The following MPDZ variants were observed in gnomAD, a reference collection of about 807,000 sequenced individuals.
MPDZ encodes the protein multiple PDZ domain crumbs cell polarity complex component.
Under a neutral mutation model 239.1 loss-of-function variants are expected in MPDZ, and 234 were observed. The ratio of observed to expected loss-of-function variants is 0.98; its 90% CI spans 0.88 to 1.09. The LOEUF (loss-of-function observed/expected upper bound fraction) is 1.09, where lower values mean the gene tolerates loss of function less well. Among genes scored for constraint, MPDZ ranks in the 50% least tolerant of loss-of-function variants. The pLI is 0.00. For missense variants in MPDZ, 3,175 were observed against 2,510.0 expected, an observed-to-expected ratio of 1.26 and a Z score of -5.66; for synonymous variants, 1,048 against 881.3, an observed-to-expected ratio of 1.19 and a Z score of -3.35.
At chr9:13,200,966 G>C (rs1415509864) in intron 12 of MPDZ, among the ~76,000 whole-genome samples, 4 of 151,970 alleles carry the variant, frequency 2.6e-5, no homozygotes, top group Non-Finnish European at 4.4e-5. Flanking sequence ...TTTTACTGTT[G>C]ATTTTCTGTC....
rs151172009 is a variant in MPDZ at position 13,244,500 on chromosome 9, G to C, written c.183+3135C>G. On this transcript the variant is annotated intron_variant, in intron 3 of 46. Transcript: ENST00000319217. ...AACCAGAGCTATTAGAGATTATTCA[G>C]GTTTAATAGCATGCATCCTTTTAGC... Among the ~76,000 whole-genome samples, 1,210 of 152,166 alleles carry C rather than the reference G, an allele frequency of 8.0e-3. 9 individuals are homozygous for C. The highest frequency in any genetic ancestry group is 0.024 in the Middle Eastern group (7 of 294).
In MPDZ at chr9:13,279,539, C is replaced by CG. The variant is rs77520402; in HGVS notation, c.-198dup. 0.98 allele frequency: 145,530 copies of CG among 149,112 alleles called. 71,105 individuals carry two copies. The highest frequency in any genetic ancestry group is 1 in the East Asian group (5,032 of 5,032). The allele number at this position is 149,112 out of a possible 1,614,324, so 9.2% of individuals were successfully genotyped here. On this transcript the variant is annotated 5_prime_UTR_variant, in exon 1 of 47. Transcript: ENST00000319217. ...GAAGTAACGACCCGGCGAGGAGCTT[C>CG]GGATCAAAACGCACAGACACTCACG... is the stretch of plus-strand genomic sequence containing the variant.
intron 26 of MPDZ, among the ~76,000 whole-genome samples, chr9:13,144,372 A>C (rs1948158112): frequency 6.6e-6 from 1 of 152,048 alleles, no homozygotes; most frequent in African/African-American, 2.4e-5. Context: ...TACATATTAA[A>C]GTCAGGATGA....
intron 3 of MPDZ, among the ~76,000 whole-genome samples, chr9:13,243,613 C>A (rs1345296578): frequency 6.6e-6 from 1 of 151,892 alleles, no homozygotes; most frequent in Non-Finnish European, 1.5e-5. Context: ...TCTCATTTCA[C>A]GAAAAAATTT....
intron 35 of MPDZ, 119 bp from the exon 36 acceptor site, chr9:13,123,417 G>A: frequency 1.4e-6 from 1 of 697,472 alleles, no homozygotes. Context: ...ATGACTGTGG[G>A]AAAAGAGACT....
intron 1 of MPDZ, among the ~76,000 whole-genome samples, chr9:13,268,649 G>A (rs1263305655): frequency 1.3e-5 from 2 of 152,178 alleles, no homozygotes; most frequent in Admixed American, 1.3e-4. Context: ...GAATCATCTC[G>A]AAGTATGAGC....
chr9:13,137,875 G>A, intron 29 of MPDZ, 82 bp downstream of exon 29: 6 of 1,382,790 alleles, frequency 4.3e-6, no homozygotes, highest in Admixed American at 2.0e-5. Flanking sequence ...TCACTATAAG[G>A]TATGGGTGAT....
At chr9:13,183,704 T>A in intron 18 of MPDZ, 119 bp from the exon 19 acceptor site, 3 of 947,826 alleles carry the variant, frequency 3.2e-6, no homozygotes, top group Non-Finnish European at 4.8e-6. Context: ...GTATTTTCTA[T>A]ATGCCCTCTT....
chr9:13,246,009 T>A (rs1469134810), intron 3 of MPDZ, among the ~76,000 whole-genome samples: 3 of 151,874 alleles, frequency 2.0e-5, no homozygotes, highest in South Asian at 2.1e-4. Flanking sequence ...TAATCATGTT[T>A]TCACATAACA....
At chr9:13,232,141 G>C (rs564355964) in intron 3 of MPDZ, among the ~76,000 whole-genome samples, 4 of 152,198 alleles carry the variant, frequency 2.6e-5, no homozygotes, top group African/African-American at 9.6e-5. Flanking sequence ...AACAAAAACT[G>C]TAATTATTTG....
intron 5 of MPDZ, 102 bp from the exon 6 acceptor site, chr9:13,222,548 A>G (rs192930280): frequency 4.9e-5 from 45 of 914,172 alleles, no homozygotes; most frequent in Admixed American, 2.3e-4. Context: ...TCCTATTTTT[A>G]ATTCCCACAC....
rs1587525915 is a variant in MPDZ at position 13,175,808 on chromosome 9, A to G, written c.2999T>C (p.Val1000Ala). The G allele has an allele frequency of 6.3e-7, 1 of 1,583,924 alleles. No homozygotes were observed. Reference sequence around the variant, plus strand: ...AGTCCTTTCAAAAGATTCTTTAGATACATTTTGAAGCATGACACACTCAGC... The same window carrying G: ...AGTCCTTTCAAAAGATTCTTTAGATGCATTTTGAAGCATGACACACTCAGC... ...CNAECVMLQN[V>A]SKESFERTIN... Residue 1000 changes from valine to alanine, a missense_variant, in exon 21 of 47, where the codon GTA (valine) becomes GCA (alanine). By Grantham distance (64) the Val-to-Ala change is moderately conservative. Transcript: ENST00000319217.
chr9:13,140,108 C>T lies in MPDZ; in HGVS notation c.3882G>A (p.Leu1294=). 6.2e-7 allele frequency: 1 copy of T among 1,613,412 alleles called. No homozygotes were observed. The highest frequency in any genetic ancestry group is 1.1e-5 in the South Asian group (1 of 91,078). ...QSESEPEKAP[L]CSVPPPPPSA... is the part of the protein sequence containing the mutation. ...AAGGAGGGGGTGGGGGCACACTGCA[C>T]AATGGAGCCTTCTCTGGCTCTGACT... Residue 1294 remains leucine (L), a synonymous_variant, in exon 28 of 47, where the codon TTG becomes TTA. Transcript: ENST00000319217.
At chr9:13,209,653 T>A (rs1212479818) in intron 10 of MPDZ, among the ~76,000 whole-genome samples, 2 of 152,062 alleles carry the variant, frequency 1.3e-5, no homozygotes, top group Admixed American at 1.3e-4. Flanking sequence ...GTTATTGCAG[T>A]GAACAGGAAA....
In MPDZ at chr9:13,279,300, A is replaced by ACCCCCGCCCCCACCCCCACCCCCGC. The variant is rs1564192632; in HGVS notation, c.-58+99_-58+100insGCGGGGGTGGGGGTGGGGGCGGGGG. 3.4e-3 allele frequency: 397 copies of ACCCCCGCCCCCACCCCCACCCCCGC among 115,802 alleles called. 23 individuals are homozygous for ACCCCCGCCCCCACCCCCACCCCCGC. Among genetic ancestry groups the ACCCCCGCCCCCACCCCCACCCCCGC allele is most frequent in the Non-Finnish European group, 4.8e-3 (262 of 54,356 alleles). The allele number at this position is 115,802 out of a possible 1,614,324, so 7.2% of individuals were successfully genotyped here. Reference sequence around the variant, plus strand: ...ATCCCCGCCCCCACCCCCACCCCCAAGCGCCGAGCCCAGGGCGCCCGCGCA... The same window carrying ACCCCCGCCCCCACCCCCACCCCCGC: ...ATCCCCGCCCCCACCCCCACCCCCAACCCCCGCCCCCACCCCCACCCCCGCGCGCCGAGCCCAGGGCGCCCGCGCA... On this transcript the variant is annotated intron_variant, in intron 1 of 46. Transcript: ENST00000319217.
At chr9:13,198,612 T>C (rs2135378731) in intron 12 of MPDZ, among the ~76,000 whole-genome samples, 1 of 152,234 alleles carries the variant, frequency 6.6e-6, no homozygotes, top group East Asian at 1.9e-4. Context: ...TTGTCCATTT[T>C]GGCTTTGGTT....
intron 3 of MPDZ, among the ~76,000 whole-genome samples, chr9:13,239,714 T>G (rs1292363817): frequency 6.6e-6 from 1 of 152,150 alleles, no homozygotes; most frequent in Non-Finnish European, 1.5e-5. Flanking sequence ...TCATATAAGG[T>G]ACAAAGTATT....
intron 12 of MPDZ, 116 bp downstream of exon 12, chr9:13,204,920 T>A: frequency 1.6e-6 from 1 of 611,646 alleles, no homozygotes; most frequent in Non-Finnish European, 2.5e-6. Flanking sequence ...CTTCACTTTT[T>A]GAAATTTTTT....
At chr9:13,206,860 G>A (rs1275218090) in intron 10 of MPDZ, among the ~76,000 whole-genome samples, 1 of 152,022 alleles carries the variant, frequency 6.6e-6, no homozygotes, top group Non-Finnish European at 1.5e-5. Flanking sequence ...AAAAAAATTT[G>A]TAGAGATGGG....
Sources: allele counts gnomAD v4.1 joint callset (sites outside exome capture counted in the v4.1 genomes callset), GRCh38; gene constraint gnomAD v4.1.1; transcripts MANE v1.5; gene names NCBI Gene and HGNC (gene_info 2026-07-23, HGNC 2026-07-21).